Variants in SLC6A3 observed in about 807,000 individuals in gnomAD.
SLC6A3 encodes sodium-dependent dopamine transporter.
SLC6A3 carries 19 observed loss-of-function variants against 70.4 expected under a neutral mutation model. The ratio of observed to expected loss-of-function variants is 0.27; its 90% CI spans 0.19 to 0.40. The LOEUF is 0.40. Among genes scored for constraint, SLC6A3 ranks in the 10% least tolerant of loss-of-function variants. The probability of loss-of-function intolerance (pLI) is 1.00; values close to 1 mark genes in which losing one functional copy is unlikely to be tolerated. For missense variants in SLC6A3, 613 were observed against 838.5 expected, an observed-to-expected ratio of 0.73 and a Z score of 3.32; for synonymous variants, 368 against 356.6, an observed-to-expected ratio of 1.03 and a Z score of -0.36.
chr5:1,399,244 A>G (rs187518044), intron 14 of SLC6A3, among the ~76,000 whole-genome samples: 1 of 152,378 alleles, frequency 6.6e-6, no homozygotes, highest in East Asian at 1.9e-4. Flanking sequence ...GAGTTGACAA[A>G]GTCACAATGG....
At position 1,411,147 on chromosome 5, in the gene SLC6A3, G is replaced by A; in HGVS notation, c.1269+96C>T. Reference sequence around the variant, plus strand: ...CAGGAGGTCTGGGGGCCGTACGTGAGCCCAGGGATCTTGCCTAGCCCTGGG... The same window carrying A: ...CAGGAGGTCTGGGGGCCGTACGTGAACCCAGGGATCTTGCCTAGCCCTGGG... On this transcript the variant is annotated intron_variant, in intron 9 of 14. Coordinates refer to ENST00000270349, the MANE Select transcript of SLC6A3 (RefSeq NM_001044.5). The surrounding 1 kb of genome is among the most constrained non-coding windows in gnomAD (Gnocchi z 6.5). 1 of 853,142 alleles carries A rather than the reference G, an allele frequency of 1.2e-6. No individual in the cohort carries two copies. The highest frequency in any genetic ancestry group is 1.4e-5 in the South Asian group (1 of 70,458). 52.8% of individuals were successfully genotyped at this position (853,142 alleles called of 1,614,324 possible). A position where few individuals can be genotyped will look rare whatever the true frequency, so the allele number is the denominator to read the frequency against.
intron 4 of SLC6A3, among the ~76,000 whole-genome samples, chr5:1,430,035 C>A (rs111866045): frequency 1.3e-5 from 2 of 152,182 alleles, no homozygotes; most frequent in Non-Finnish European, 2.9e-5. Context: ...GACTCTCCCA[C>A]GACCTTGCCT....
chr5:1,395,444 T>C (rs1755694018), intron 14 of SLC6A3, among the ~76,000 whole-genome samples: 1 of 152,236 alleles, frequency 6.6e-6, no homozygotes, highest in Admixed American at 6.5e-5. Flanking sequence ...CGGGGCTTGC[T>C]TCTGACAAAA....
rs374618829 is a variant in SLC6A3, at chr5:1,411,226, C to T, written c.1269+17G>A. 1.3e-4 allele frequency: 202 copies of T among 1,509,882 alleles called. No homozygotes were observed. The highest frequency in any genetic ancestry group is 3.4e-4 in the Middle Eastern group (2 of 5,938). The allele number at this position is 1,509,882 out of a possible 1,614,324, so 93.5% of individuals were successfully genotyped here. On this transcript the variant is annotated intron_variant, in intron 9 of 14. Coordinates refer to ENST00000270349, the MANE Select transcript of SLC6A3 (RefSeq NM_001044.5). The surrounding 1 kb of genome is among the most constrained non-coding windows in gnomAD (Gnocchi z 6.5). ...CCCAACTGCCGAGGACAGGGCCGGG[C>T]GGTGCGGGTTACTCACGGCGCTGTC...
chr5:1,416,037 G>T, intron 7 of SLC6A3, 61 bp downstream of exon 7: 1 of 1,264,698 alleles, frequency 7.9e-7, no homozygotes. Flanking sequence ...CCTATTTCTG[G>T]AAGTCAGCGA....
At chr5:1,414,549 CT>C in intron 8 of SLC6A3, 141 bp downstream of exon 8, 1 of 847,618 alleles carries the variant, frequency 1.2e-6, no homozygotes, top group Non-Finnish European at 1.7e-6. Context: ...TACCACCATC[CT>C]TCAAGAGTGA....
chr5:1,418,617 CCCATCCATCATCGATCCATCCAT>C (rs1209970706), intron 6 of SLC6A3, among the ~76,000 whole-genome samples: 2 of 149,890 alleles, frequency 1.3e-5, no homozygotes, highest in Non-Finnish European at 3.0e-5. Context: ...CATCCATCCA[CCCATCCATCATCGATCCATCCAT>C]CCATGCTATC....
intron 3 of SLC6A3, among the ~76,000 whole-genome samples, chr5:1,439,364 A>G (rs1316801355): frequency 1.3e-5 from 2 of 151,984 alleles, no homozygotes; most frequent in East Asian, 3.9e-4. Flanking sequence ...CTCTTTTTGT[A>G]GCTCCATTTC....
intron 4 of SLC6A3, among the ~76,000 whole-genome samples, chr5:1,431,956 C>T (rs1050469191): frequency 1.1e-4 from 16 of 152,194 alleles, no homozygotes; most frequent in Non-Finnish European, 2.4e-4. Flanking sequence ...ACAGGGGCTG[C>T]CTACTGAAGC....
At chr5:1,439,022 G>C (rs977643658) in intron 3 of SLC6A3, among the ~76,000 whole-genome samples, 1 of 152,194 alleles carries the variant, frequency 6.6e-6, no homozygotes, top group Non-Finnish European at 1.5e-5. Flanking sequence ...CGTCCGTGCC[G>C]CTGGCCAGGG....
At position 1,442,355 on chromosome 5, in the gene SLC6A3, G is replaced by A. The variant is rs1733694793; in HGVS notation, c.286+557C>T. On this transcript the variant is annotated intron_variant, in intron 2 of 14. Transcript: ENST00000270349. This position sits in a 1 kb window ranked among gnomAD's most constrained non-coding sequence, Gnocchi z 5.0. Reference sequence around the variant, plus strand: ...AGAGGCCAATGAGGGAGGCCAGGCAGGGAGGCTGGGAGGCCCAAAGAGGCT... The same window carrying A: ...AGAGGCCAATGAGGGAGGCCAGGCAAGGAGGCTGGGAGGCCCAAAGAGGCT... Among the ~76,000 whole-genome samples the A allele has an allele frequency of 6.6e-6, 1 of 152,130 alleles. No individual in the cohort carries two copies. The highest frequency in any genetic ancestry group is 2.4e-5 in the African/African-American group (1 of 41,426).
rs1380644710 is a variant in SLC6A3 at position 1,396,967 on chromosome 5, G to C, written c.1840-2209C>G. 6.6e-6 allele frequency among the ~76,000 whole-genome samples: 1 copy of C among 152,226 alleles called. No individual in the cohort carries two copies. The highest frequency in any genetic ancestry group is 1.9e-4 in the East Asian group (1 of 5,200). ...GGGCAGGCAGTTTCCACAGTGCCTA[G>C]TTTTCCTGCTGTGGGCTCACAAGGG... On this transcript the variant is annotated intron_variant, in intron 14 of 14. Coordinates refer to ENST00000270349, the MANE Select transcript of SLC6A3 (RefSeq NM_001044.5). This position sits in a 1 kb window ranked among gnomAD's most constrained non-coding sequence, Gnocchi z 7.0.
In SLC6A3 at chr5:1,445,425, A is replaced by G; in HGVS notation, c.-123T>C. 1 of 168,950 alleles carries G rather than the reference A, an allele frequency of 5.9e-6. No homozygotes were observed. The highest frequency in any genetic ancestry group is 1.3e-5 in the Non-Finnish European group (1 of 78,672). 10.5% of individuals were successfully genotyped at this position (168,950 alleles called of 1,614,324 possible). ...CGCGAAGCCTCCCCTCCCGCTCCGC[A>G]GCGCTGGGCGGTCTCAGCCTCGGCC... is the stretch of plus-strand genomic sequence containing the variant. On this transcript the variant is annotated 5_prime_UTR_variant, in exon 1 of 15. Transcript: ENST00000270349.
chr5:1,421,943 G>C lies in SLC6A3; in HGVS notation c.725C>G (p.Ala242Gly), dbSNP rs1756446466. ...CAGCACGATGACCAGCACCAGGCAG[G>C]CTGTGAGCTGCCACCGCGGAGGCCC... is the stretch of plus-strand genomic sequence containing the variant. Reference protein sequence around the residue: ...DLGPPRWQLTACLVLVIVLLY... With the variant: ...DLGPPRWQLTGCLVLVIVLLY... The change falls in exon 5 of 15, where the codon GCC becomes GGC. Residue 242 changes from alanine (A) to glycine (G), a missense_variant. Around this residue, in one of 4 missense-constraint regions of SLC6A3, gnomAD observed 153 missense variants for 249.4 expected, o/e 0.61. Transcript: ENST00000270349. The surrounding 1 kb of genome is among the most constrained non-coding windows in gnomAD (Gnocchi z 7.2). 3 of 1,613,048 alleles carry C rather than the reference G, an allele frequency of 1.9e-6. No homozygotes were observed. The highest frequency in any genetic ancestry group is 1.7e-6 in the Non-Finnish European group (2 of 1,179,984).
At position 1,411,118 on chromosome 5, in the gene SLC6A3, A is replaced by C. The variant is rs1159737553; in HGVS notation, c.1269+125T>G. ...ATAATCACGGGGCTCGCCCAAGTCA[A>C]GGACAGGAGGTCTGGGGGCCGTACG... is the stretch of plus-strand genomic sequence containing the variant. On this transcript the variant is annotated intron_variant, in intron 9 of 14. Transcript: ENST00000270349. The surrounding 1 kb of genome is among the most constrained non-coding windows in gnomAD (Gnocchi z 6.5). The C allele has an allele frequency of 1.4e-6, 1 of 720,884 alleles. No individual in the cohort carries two copies. Among genetic ancestry groups the C allele is most frequent in the Non-Finnish European group, 2.5e-6 (1 of 401,928 alleles). The allele number at this position is 720,884 out of a possible 1,614,324, so 44.7% of individuals were successfully genotyped here. A position where few individuals can be genotyped will look rare whatever the true frequency, so the allele number is the denominator to read the frequency against.
chr5:1,395,001 G>A (rs1755680821), intron 14 of SLC6A3, among the ~76,000 whole-genome samples: 1 of 152,206 alleles, frequency 6.6e-6, no homozygotes, highest in African/African-American at 2.4e-5. Flanking sequence ...AAAAAGCCGC[G>A]AGACTGTGGT....
chr5:1,420,757 C>G, intron 5 of SLC6A3, 54 bp from the exon 6 acceptor site: 2 of 1,600,442 alleles, frequency 1.2e-6, no homozygotes, highest in East Asian at 2.2e-5. Flanking sequence ...TTGGTGGGAG[C>G]AGACACTGGC....
rs917990111 is a variant in SLC6A3 at position 1,437,165 on chromosome 5, C to T, written c.418+4194G>A. 3.3e-5 allele frequency among the ~76,000 whole-genome samples: 5 copies of T among 151,500 alleles called. No individual in the cohort carries two copies. The highest frequency in any genetic ancestry group is 1.9e-4 in the East Asian group (1 of 5,148). ...ACTCGGGAGGCTGGGGCAGGAGAAT[C>T]GCTTGAACCCGGGACGCGCAGGTGA... On this transcript the variant is annotated intron_variant, in intron 3 of 14. Transcript: ENST00000270349. The surrounding 1 kb of genome is among the most constrained non-coding windows in gnomAD (Gnocchi z 4.8).
chr5:1,404,585 C>T lies in SLC6A3; in HGVS notation c.1600-1496G>A, dbSNP rs539854475. ...ATCATCTGCCACAGAGTCATCTGAA[C>T]GAGACTGGGGCGTGTACACCCCTTA... is the stretch of plus-strand genomic sequence containing the variant. On this transcript the variant is annotated intron_variant, in intron 12 of 14. Transcript: ENST00000270349. The surrounding 1 kb of genome is among the most constrained non-coding windows in gnomAD (Gnocchi z 5.2). Among the ~76,000 whole-genome samples the T allele has an allele frequency of 4.9e-4, 75 of 152,318 alleles. No individual in the cohort carries two copies. The highest frequency in any genetic ancestry group is 9.6e-4 in the East Asian group (5 of 5,188).
Sources: gnomAD v4.1 joint callset for allele counts (sites outside exome capture counted in the v4.1 genomes callset) on GRCh38, gnomAD v4.1.1 for gene constraint, gnomAD v4.1.1 regional missense constraint, Gnocchi (gnomAD v3.1) non-coding constraint, MANE v1.5 for transcripts, NCBI Gene and HGNC (gene_info 2026-07-23, HGNC 2026-07-21) for gene names.